The following PCDHGB3 variants were observed in gnomAD, a reference collection of about 807,000 sequenced individuals.
PCDHGB3 encodes the protein protocadherin gamma subfamily B, 3.
A neutral mutation model predicts 59.2 loss-of-function variants in PCDHGB3; 40 were observed. The observed-to-expected ratio is 0.68, with a 90% confidence interval of 0.52 to 0.88. The LOEUF is 0.88. PCDHGB3 is among the 40% of genes least tolerant of loss of function. The probability of loss-of-function intolerance (pLI) is 0.00; values close to 1 mark genes in which losing one functional copy is unlikely to be tolerated. For missense variants in PCDHGB3, 1,309 were observed against 1,187.9 expected (o/e 1.10, Z -1.50); for synonymous variants, 581 against 503.6 (o/e 1.15, Z -2.06).
chr5:141,389,924 T>A (rs749120978), intron 1 of PCDHGB3: 13 of 1,614,062 alleles, frequency 8.1e-6, no homozygotes, highest in Non-Finnish European at 1.0e-5. Flanking sequence ...CCGACCCCTC[T>A]GACCTCCAGG....
At position 141,476,418 on chromosome 5, in the gene PCDHGB3, T is replaced by G. The variant is rs201255025; in HGVS notation, c.2416-18389T>G. ...GATCGAGAGGAGCTGTGTGGGACAC[T>G]GCCCTCTTGCACTGTAACTCTGGAG... On this transcript the variant is annotated intron_variant, in intron 1 of 3. Transcript: ENST00000576222. This position sits in a 1 kb window ranked among gnomAD's most constrained non-coding sequence, Gnocchi z 7.6. 8 of 1,614,122 alleles carry G rather than the reference T, an allele frequency of 5.0e-6. No homozygotes were observed. The highest frequency in any genetic ancestry group is 1.6e-4 in the Middle Eastern group (1 of 6,062).
intron 1 of PCDHGB3, chr5:141,393,004 T>C (rs781030004): frequency 1.2e-6 from 2 of 1,613,554 alleles, no homozygotes; most frequent in Middle Eastern, 1.7e-4. Flanking sequence ...AAGCACGGAG[T>C]CCGTATCGTC....
At chr5:141,446,202 G>T (rs780900822) in intron 1 of PCDHGB3, among the ~76,000 whole-genome samples, 13 of 152,094 alleles carry the variant, frequency 8.5e-5, no homozygotes, top group Non-Finnish European at 1.8e-4. Context: ...ATATTCCTAG[G>T]TGTCTGAAAA....
At position 141,477,263 on chromosome 5, in the gene PCDHGB3, G is replaced by C. The variant is rs543767777; in HGVS notation, c.2416-17544G>C. ...CAGTGTGACTGACCTGGATGCTGGC[G>C]AGAACGGGCTGGTGACCTGCGAAGT... On this transcript the variant is annotated intron_variant, in intron 1 of 3. Coordinates refer to ENST00000576222, the MANE Select transcript of PCDHGB3 (RefSeq NM_018924.5). The surrounding 1 kb of genome is among the most constrained non-coding windows in gnomAD (Gnocchi z 4.9). The C allele has an allele frequency of 6.2e-7, 1 of 1,614,192 alleles. No individual in the cohort carries two copies. The highest frequency in any genetic ancestry group is 1.3e-5 in the African/African-American group (1 of 75,058).
chr5:141,478,660 T>C, intron 1 of PCDHGB3: 2 of 1,551,848 alleles, frequency 1.3e-6, no homozygotes, highest in Non-Finnish European at 1.7e-6. Flanking sequence ...TGGTGATGCA[T>C]TCACACTTTC....
chr5:141,465,056 G>A (rs908104635), intron 1 of PCDHGB3, among the ~76,000 whole-genome samples: 9 of 151,044 alleles, frequency 6.0e-5, no homozygotes, highest in Non-Finnish European at 1.3e-4. Context: ...ATATTTTTTT[G>A]AATTGTCTGT....
At chr5:141,412,903 G>C (rs2095586511) in intron 1 of PCDHGB3, 1 of 376,030 alleles carries the variant, frequency 2.7e-6, no homozygotes, top group African/African-American at 2.1e-5. Context: ...ACTTTCCATT[G>C]CATGTATCAC....
intron 1 of PCDHGB3, among the ~76,000 whole-genome samples, chr5:141,469,096 G>A (rs1191827174): frequency 6.6e-6 from 1 of 151,944 alleles, no homozygotes; most frequent in Non-Finnish European, 1.5e-5. Flanking sequence ...AGGCAACAAA[G>A]CAAGAACCTG....
At chr5:141,374,243 C>T in intron 1 of PCDHGB3, 1 of 1,614,000 alleles carries the variant, frequency 6.2e-7, no homozygotes, top group East Asian at 2.2e-5. Context: ...GGATCTGGGA[C>T]TGGAGCCCCA....
intron 1 of PCDHGB3, among the ~76,000 whole-genome samples, chr5:141,433,465 C>T (rs1386201581): frequency 6.6e-6 from 1 of 152,060 alleles, no homozygotes; most frequent in Non-Finnish European, 1.5e-5. Context: ...GAAACTTGGG[C>T]TCAGGCTAGC....
At chr5:141,398,500 G>A (rs1366423528) in intron 1 of PCDHGB3, 1 of 1,607,950 alleles carries the variant, frequency 6.2e-7, no homozygotes, top group African/African-American at 1.4e-5. Context: ...GGAGATCGAG[G>A]ACATTAATGA....
At chr5:141,501,290 TACAC>T (rs55762287) in intron 2 of PCDHGB3, among the ~76,000 whole-genome samples, 45,565 of 135,778 alleles carry the variant, frequency 0.34, 7,845 homozygotes, top group Non-Finnish European at 0.42. Flanking sequence ...TATTCCCTTA[TACAC>T]ACACACACAC....
At chr5:141,506,351 A>G (rs1029519620) in intron 3 of PCDHGB3, among the ~76,000 whole-genome samples, 2 of 150,784 alleles carry the variant, frequency 1.3e-5, no homozygotes, top group African/African-American at 4.9e-5. Context: ...TGGGAGGCTG[A>G]GGCAGGAGAA....
intron 1 of PCDHGB3, chr5:141,408,955 TA>T: frequency 2.5e-6 from 4 of 1,613,616 alleles, no homozygotes; most frequent in Non-Finnish European, 3.4e-6. Flanking sequence ...GAATTAGTCT[TA>T]GTGAAAATCT....
intron 1 of PCDHGB3, among the ~76,000 whole-genome samples, chr5:141,458,112 A>C (rs2098937913): frequency 6.6e-6 from 1 of 152,208 alleles, no homozygotes; most frequent in Non-Finnish European, 1.5e-5. Context: ...ATAGTCTCCA[A>C]ATTTTAGAGG....
In PCDHGB3 at chr5:141,511,342, C is replaced by G. The variant is rs2099883728; in HGVS notation, c.*169C>G. The stretch of plus-strand genomic sequence containing the variant: ...AACAAGTGCCCAGTCAGCACCTACC[C>G]CTTCCCCCCCAGGGGGTTGAATATG... On this transcript the variant is annotated 3_prime_UTR_variant, in exon 4 of 4. Coordinates refer to ENST00000576222, the MANE Select transcript of PCDHGB3 (RefSeq NM_018924.5). 1 of 1,424,960 alleles carries G rather than the reference C, an allele frequency of 7.0e-7. No homozygotes were observed. Among genetic ancestry groups the G allele is most frequent in the Admixed American group, 2.6e-5 (1 of 38,556 alleles). 88.3% of individuals were successfully genotyped at this position (1,424,960 alleles called of 1,614,324 possible).
rs761905572 is a variant in PCDHGB3 at position 141,486,493 on chromosome 5, T to A, written c.2416-8314T>A. The A allele has an allele frequency of 2.5e-6, 4 of 1,614,136 alleles. No homozygotes were observed. The highest frequency in any genetic ancestry group is 1.7e-4 in the Middle Eastern group (1 of 6,060). On this transcript the variant is annotated intron_variant, in intron 1 of 3. Transcript: ENST00000576222. This position sits in a 1 kb window ranked among gnomAD's most constrained non-coding sequence, Gnocchi z 5.0. ...ACCCTCCTCTCAGTACCCACAGAAC[T>A]ATTTTCCTCAATATTTCAGATGTGA... is the stretch of plus-strand genomic sequence containing the variant.
At position 141,428,042 on chromosome 5, in the gene PCDHGB3, G is replaced by A; in HGVS notation, c.2415+55233G>A. The A allele has an allele frequency of 1.9e-6, 3 of 1,608,716 alleles. No individual in the cohort carries two copies. The South Asian group carries it at 3.3e-5, about 18-fold the overall frequency. On this transcript the variant is annotated intron_variant, in intron 1 of 3. Transcript: ENST00000576222. ...GCGCCGCAGAGTCCGGCTACCTGGT[G>A]ACCAAGGTGGTGGCGGTGGACGCAG...
At chr5:141,405,880 G>T (rs2094729430) in intron 1 of PCDHGB3, among the ~76,000 whole-genome samples, 1 of 152,110 alleles carries the variant, frequency 6.6e-6, no homozygotes, top group Non-Finnish European at 1.5e-5. Flanking sequence ...GGGCCTAATT[G>T]TTGCTCCAAC....
Sources: allele counts gnomAD v4.1 joint callset (sites outside exome capture counted in the v4.1 genomes callset), GRCh38; gene constraint gnomAD v4.1.1; non-coding constraint Gnocchi (gnomAD v3.1); transcripts MANE v1.5; gene names NCBI Gene and HGNC (gene_info 2026-07-23, HGNC 2026-07-21).